The following APBB2 variants were observed in gnomAD, a reference collection of about 807,000 sequenced individuals.
The protein encoded by APBB2 is Fe65-like 1.
Under a neutral mutation model 82.5 loss-of-function variants are expected in APBB2, and 38 were observed. The ratio of observed to expected loss-of-function variants is 0.46; its 90% CI spans 0.36 to 0.60. The LOEUF is 0.60. Among genes scored for constraint, APBB2 ranks in the 20% least tolerant of loss-of-function variants. The probability of loss-of-function intolerance (pLI) is 0.00; values close to 1 mark genes in which losing one functional copy is unlikely to be tolerated. For synonymous variants in APBB2, 341 were observed against 368.2 expected (o/e 0.93, Z 0.85); for missense variants, 772 against 972.3 (o/e 0.79, Z 2.74).
chr4:40,982,556 C>T (rs1412492601), intron 6 of APBB2, among the ~76,000 whole-genome samples: 5 of 151,202 alleles, frequency 3.3e-5, no homozygotes, highest in Admixed American at 2.6e-4. Flanking sequence ...ATTGCTTGAG[C>T]TCAGGAGTTC....
chr4:41,099,299 G>A (rs536596074), intron 3 of APBB2, among the ~76,000 whole-genome samples: 45 of 152,192 alleles, frequency 3.0e-4, no homozygotes, highest in African/African-American at 1.1e-3. Flanking sequence ...CGCAATCTTG[G>A]CTCACTGCAA....
At chr4:40,874,985 G>C (rs916896253) in intron 12 of APBB2, among the ~76,000 whole-genome samples, 3 of 152,238 alleles carry the variant, frequency 2.0e-5, no homozygotes, top group Non-Finnish European at 2.9e-5. Flanking sequence ...AGGGCACACA[G>C]TGCAAGTCAG....
chr4:41,081,392 G>GA (rs932720567), intron 3 of APBB2, among the ~76,000 whole-genome samples: 2 of 151,730 alleles, frequency 1.3e-5, no homozygotes, highest in African/African-American at 4.8e-5. Context: ...GACAAAAAGG[G>GA]AAAAAAAATC....
intron 6 of APBB2, among the ~76,000 whole-genome samples, chr4:40,951,717 A>G (rs1790229359): frequency 6.6e-6 from 1 of 152,234 alleles, no homozygotes; most frequent in South Asian, 2.1e-4. Context: ...GTTGGCATGC[A>G]GCAGCCGTGT....
chr4:41,081,257 A>AGT (rs961866524), intron 3 of APBB2, among the ~76,000 whole-genome samples: 3 of 152,130 alleles, frequency 2.0e-5, no homozygotes, highest in Non-Finnish European at 4.4e-5. Flanking sequence ...TCTGCACAGC[A>AGT]GTGTGTGTGT....
intron 10 of APBB2, among the ~76,000 whole-genome samples, chr4:40,899,859 G>C (rs1022000359): frequency 1.3e-5 from 2 of 152,182 alleles, no homozygotes; most frequent in Non-Finnish European, 2.9e-5. Flanking sequence ...AGTGAGGGGT[G>C]AGACCAGGGG....
chr4:40,884,438 T>G (rs1040509132), intron 12 of APBB2, among the ~76,000 whole-genome samples: 1 of 152,204 alleles, frequency 6.6e-6, no homozygotes, highest in African/African-American at 2.4e-5. Context: ...AGAACAGCAC[T>G]GGCATGAAAA....
intron 3 of APBB2, among the ~76,000 whole-genome samples, chr4:41,094,397 G>A (rs1044977747): frequency 6.6e-6 from 1 of 152,174 alleles, no homozygotes; most frequent in African/African-American, 2.4e-5. Flanking sequence ...ATGGCAATTA[G>A]GAATTTCTTG....
chr4:41,118,243 C>T (rs1210717535), intron 2 of APBB2: 6 of 151,938 alleles, frequency 3.9e-5, no homozygotes, highest in Admixed American at 6.6e-5. Flanking sequence ...AACAAAAAAC[C>T]CTAAGGAAAT....
chr4:40,970,571 T>C (rs866892819), intron 6 of APBB2, among the ~76,000 whole-genome samples: 1 of 152,158 alleles, frequency 6.6e-6, no homozygotes, highest in Non-Finnish European at 1.5e-5. Context: ...AGCAATGGTC[T>C]TGCCAGTGAG....
chr4:41,013,524 T>C lies in APBB2; in HGVS notation c.835+59A>G. On this transcript the variant is annotated intron_variant, in intron 6 of 17. Transcript: ENST00000508593. Reference sequence around the variant, plus strand: ...TGGTCAGTCTAGAGATTTACTCCAATAGTTGAAAAGATAAAAAAAAAAAAG... The same window carrying C: ...TGGTCAGTCTAGAGATTTACTCCAACAGTTGAAAAGATAAAAAAAAAAAAG... The C allele has an allele frequency of 2.7e-6, 4 of 1,475,906 alleles. No homozygotes were observed. In the South Asian group the frequency reaches 3.7e-5, roughly 14 times the overall value. The allele number at this position is 1,475,906 out of a possible 1,614,324, so 91.4% of individuals were successfully genotyped here. A position where few individuals can be genotyped will look rare whatever the true frequency, so the allele number is the denominator to read the frequency against.
intron 10 of APBB2, among the ~76,000 whole-genome samples, chr4:40,907,659 C>T (rs555676926): frequency 1.4e-5 from 2 of 144,766 alleles, no homozygotes; most frequent in East Asian, 4.1e-4. Flanking sequence ...GTGTGAGCCA[C>T]TGTGCCTGAC....
intron 1 of APBB2, among the ~76,000 whole-genome samples, chr4:41,166,705 G>A (rs1766743912): frequency 6.6e-6 from 1 of 152,118 alleles, no homozygotes; most frequent in Non-Finnish European, 1.5e-5. Flanking sequence ...AGACCAGCCT[G>A]ACCAACATGG....
rs568720441 is a variant in APBB2 at position 40,828,334 on chromosome 4, G to A, written c.1645-1115C>T. 1.3e-3 allele frequency among the ~76,000 whole-genome samples: 203 copies of A among 152,248 alleles called. 1 individual carries two copies. Among genetic ancestry groups the A allele is most frequent in the Non-Finnish European group, 2.5e-3 (169 of 68,004 alleles). On this transcript the variant is annotated intron_variant, in intron 13 of 17. Transcript: ENST00000508593. The stretch of plus-strand genomic sequence containing the variant: ...GCTGTGGGTTTAGGGACTGAAAGAA[G>A]CCCACCCTTTAGTGACCCCAAAAGT...
At chr4:41,182,299 A>C (rs535026575) in intron 1 of APBB2, among the ~76,000 whole-genome samples, 1 of 152,344 alleles carries the variant, frequency 6.6e-6, no homozygotes, top group East Asian at 1.9e-4. Context: ...TGCCAAAGCC[A>C]ATGGTCAATT....
At chr4:40,895,659 T>C (rs1181102022) in intron 10 of APBB2, among the ~76,000 whole-genome samples, 3 of 152,108 alleles carry the variant, frequency 2.0e-5, no homozygotes, top group Non-Finnish European at 2.9e-5. Context: ...CAGGCCCTGC[T>C]CTCCAGAAAG....
At chr4:40,941,515 G>C (rs1365428505) in intron 7 of APBB2, among the ~76,000 whole-genome samples, 1 of 152,236 alleles carries the variant, frequency 6.6e-6, no homozygotes, top group Non-Finnish European at 1.5e-5. Context: ...ACTCTACCAT[G>C]TATTAGCTGT....
intron 6 of APBB2, among the ~76,000 whole-genome samples, chr4:40,997,674 C>A (rs763641918): frequency 9.2e-5 from 14 of 152,126 alleles, no homozygotes; most frequent in Admixed American, 3.3e-4. Flanking sequence ...TATTTACAAC[C>A]CTTTTCACTG....
chr4:41,118,808 C>G (rs1751907243), intron 2 of APBB2, among the ~76,000 whole-genome samples: 1 of 152,180 alleles, frequency 6.6e-6, no homozygotes, highest in African/African-American at 2.4e-5. Context: ...CCTGTACTAT[C>G]TGCTCAGTTT....
Sources: gnomAD v4.1 joint callset for allele counts (sites outside exome capture counted in the v4.1 genomes callset) on GRCh38, gnomAD v4.1.1 for gene constraint, MANE v1.5 for transcripts, NCBI Gene and HGNC (gene_info 2026-07-23, HGNC 2026-07-21) for gene names.